C7: variants seen among roughly 807,000 people sequenced by gnomAD.
C7 encodes complement component C7.
In C7, 83 loss-of-function variants were observed where a neutral mutation model predicts 104.8. The observed-to-expected ratio is 0.79, with a 90% CI of 0.66 to 0.95. C7 has a LOEUF of 0.95. Ranked by LOEUF, C7 falls within the 40% of genes least tolerant of loss-of-function variation. The pLI, the probability that C7 is intolerant of heterozygous loss-of-function variation, is 0.00. For synonymous variants in C7, 415 were observed against 360.6 expected, an observed-to-expected ratio of 1.15 and a Z score of -1.71; for missense variants, 1,070 against 1,011.2, an observed-to-expected ratio of 1.06 and a Z score of -0.79.
At position 40,938,836 on chromosome 5, in the gene C7, T is replaced by A. The variant is rs183344354; in HGVS notation, c.567+1146T>A. Among the ~76,000 whole-genome samples, 328 of 152,320 alleles carry A rather than the reference T, an allele frequency of 2.2e-3. 1 individual carries two copies. Among genetic ancestry groups the A allele is most frequent in the Non-Finnish European group, 3.8e-3 (259 of 68,028 alleles). ...AAACAGTTATGGCTTTAGGAAACTTTACGGAAGATTTAGAAGGAAGATAGA... is the reference window on the plus strand; with the variant it reads ...AAACAGTTATGGCTTTAGGAAACTTAACGGAAGATTTAGAAGGAAGATAGA... On this transcript the variant is annotated intron_variant, in intron 6 of 17. Coordinates refer to ENST00000313164, the MANE Select transcript of C7 (RefSeq NM_000587.4).
At chr5:40,972,036 T>C (rs1373473481) in intron 14 of C7, 2 of 463,386 alleles carry the variant, frequency 4.3e-6, no homozygotes, top group Non-Finnish European at 4.3e-6. Flanking sequence ...GGATGAAAGT[T>C]AATGAAACTC....
chr5:40,935,429 T>G (rs1739792170), intron 4 of C7, among the ~76,000 whole-genome samples: 3 of 152,192 alleles, frequency 2.0e-5, no homozygotes, highest in African/African-American at 7.2e-5. Context: ...GTACATGTCC[T>G]ATAAGGACAG....
chr5:40,910,930 TG>T (rs1189421099), intron 1 of C7: 1 of 152,186 alleles, frequency 6.6e-6, no homozygotes. Flanking sequence ...TCTTAATAAT[TG>T]CTTTGTGCTT....
chr5:40,973,492 C>G (rs1740744830), intron 15 of C7, among the ~76,000 whole-genome samples: 1 of 152,120 alleles, frequency 6.6e-6, no homozygotes, highest in Admixed American at 6.6e-5. Context: ...CTAAGTTCTC[C>G]ATGCGACAGG....
intron 1 of C7, among the ~76,000 whole-genome samples, chr5:40,927,237 TA>T (rs1739572480): frequency 6.6e-6 from 1 of 152,052 alleles, no homozygotes; most frequent in East Asian, 1.9e-4. Flanking sequence ...GCATTGTATA[TA>T]AAAATCTACT....
At chr5:40,912,055 C>T (rs1456144561) in intron 1 of C7, among the ~76,000 whole-genome samples, 2 of 152,060 alleles carry the variant, frequency 1.3e-5, no homozygotes, top group Non-Finnish European at 2.9e-5. Flanking sequence ...GCCCCACATA[C>T]TTCTTCAACC....
At chr5:40,951,496 AAACT>A (rs779512143) in intron 9 of C7, among the ~76,000 whole-genome samples, 15 of 152,276 alleles carry the variant, frequency 9.9e-5, no homozygotes, top group Non-Finnish European at 1.8e-4. Flanking sequence ...AAGGGTTGAA[AAACT>A]AACTATTGGG....
chr5:40,939,188 C>T (rs912345365), intron 6 of C7, among the ~76,000 whole-genome samples: 5 of 152,178 alleles, frequency 3.3e-5, no homozygotes, highest in African/African-American at 4.8e-5. Context: ...AAATAGCAAA[C>T]ATACCGTCTT....
chr5:40,931,544 G>T (rs1366403522), intron 3 of C7, among the ~76,000 whole-genome samples: 1 of 151,834 alleles, frequency 6.6e-6, no homozygotes, highest in African/African-American at 2.4e-5. Flanking sequence ...TAGCAAAATG[G>T]CTGCTTGATT....
intron 1 of C7, among the ~76,000 whole-genome samples, chr5:40,922,418 G>T (rs1050299865): frequency 5.4e-5 from 8 of 148,078 alleles, no homozygotes; most frequent in Middle Eastern, 3.4e-3. Context: ...CATACACTCG[G>T]GGCTTGGGCG....
In C7 at chr5:40,972,567, A is replaced by C; in HGVS notation, c.2047A>C (p.Met683Leu). The part of the protein sequence containing the change: ...CGSSLKWSPE[M>L]KNARCVQKEN... Reference sequence around the variant, plus strand: ...CTCCAGCCTTAAGTGGAGTCCTGAGATGAAGAATGCCCGCTGTGTACAAAA... The same window carrying C: ...CTCCAGCCTTAAGTGGAGTCCTGAGCTGAAGAATGCCCGCTGTGTACAAAA... Residue 683 changes from methionine (M) to leucine (L), a missense_variant, in exon 15 of 18, where the codon ATG becomes CTG. By Grantham distance (15) the Met-to-Leu change is conservative. Transcript: ENST00000313164. 1.2e-6 allele frequency: 2 copies of C among 1,609,954 alleles called. No homozygotes were observed. The highest frequency in any genetic ancestry group is 1.1e-5 in the South Asian group (1 of 90,332).
chr5:40,934,302 A>ACCACTG (rs1009802130), intron 3 of C7, 23 bp from the exon 4 acceptor site: 1 of 1,536,052 alleles, frequency 6.5e-7, no homozygotes, highest in Non-Finnish European at 8.8e-7. Context: ...AAACAAACAA[A>ACCACTG]CCACTGCCTG....
intron 1 of C7, among the ~76,000 whole-genome samples, chr5:40,920,360 A>T (rs1344789661): frequency 6.6e-6 from 1 of 152,086 alleles, no homozygotes; most frequent in Non-Finnish European, 1.5e-5. Context: ...GTGGATCTGA[A>T]GAAAGAGATG....
intron 16 of C7, among the ~76,000 whole-genome samples, chr5:40,979,449 T>C (rs1740890003): frequency 6.6e-6 from 1 of 152,172 alleles, no homozygotes; most frequent in Non-Finnish European, 1.5e-5. Flanking sequence ...TAATTTGCTG[T>C]ACCTGGTCTG....
At chr5:40,948,236 T>C (rs1023611400) in intron 8 of C7, among the ~76,000 whole-genome samples, 1 of 109,392 alleles carries the variant, frequency 9.1e-6, no homozygotes, top group Non-Finnish European at 1.9e-5. Flanking sequence ...CTTTGTTTTT[T>C]ACCCTCTCAT....
chr5:40,924,753 AC>A (rs35683247), intron 1 of C7, among the ~76,000 whole-genome samples: 1 of 152,160 alleles, frequency 6.6e-6, no homozygotes, highest in African/African-American at 2.4e-5. Context: ...TACAGTTTGC[AC>A]CTGCTGAAGC....
chr5:40,978,395 C>G (rs1482150329), intron 16 of C7, among the ~76,000 whole-genome samples: 1 of 152,160 alleles, frequency 6.6e-6, no homozygotes, highest in African/African-American at 2.4e-5. Flanking sequence ...GAGTCATTTT[C>G]ATCCTCTTTC....
In C7 at chr5:40,955,371, G is replaced by A. The variant is rs373431472; in HGVS notation, c.1094-16G>A. 3 of 1,561,926 alleles carry A rather than the reference G, an allele frequency of 1.9e-6. No individual in the cohort carries two copies. Among genetic ancestry groups the A allele is most frequent in the Admixed American group, 2.1e-5 (1 of 46,636 alleles). ...TTGATAGACTTTTCACTTTTCATTT[G>A]CTTTCTTCTGTATAGGAACCCAGAA... is the stretch of plus-strand genomic sequence containing the variant. On this transcript the variant is annotated splice_polypyrimidine_tract_variant and intron_variant, in intron 9 of 17. Transcript: ENST00000313164.
chr5:40,948,046 T>C (rs1001423462), intron 8 of C7, among the ~76,000 whole-genome samples: 3 of 152,192 alleles, frequency 2.0e-5, no homozygotes, highest in Non-Finnish European at 4.4e-5. Flanking sequence ...CTGTTTTGCA[T>C]AGTACCTTGA....
Sources: allele counts gnomAD v4.1 joint callset (sites outside exome capture counted in the v4.1 genomes callset), GRCh38; gene constraint gnomAD v4.1.1; transcripts MANE v1.5; gene names NCBI Gene and HGNC (gene_info 2026-07-23, HGNC 2026-07-21).